ANKRD17: variants seen among roughly 807,000 people sequenced by gnomAD.
The protein encoded by ANKRD17 is ankyrin repeat domain 17, also known as ankyrin repeat domain-containing protein 17.
In ANKRD17, 19 loss-of-function variants were observed where a neutral mutation model predicts 229.7. The ratio of observed to expected loss-of-function variants is 0.08; its 90% CI spans 0.06 to 0.12. The LOEUF (loss-of-function observed/expected upper bound fraction) is 0.12. ANKRD17 is among the 10% of genes least tolerant of loss of function. The pLI is 1.00. For missense variants in ANKRD17, 2,176 were observed against 3,176.8 expected (o/e 0.68, Z 7.57); for synonymous variants, 1,112 against 1,146.1 (o/e 0.97, Z 0.60).
At chr4:73,135,535 C>A (rs1459302559) in intron 15 of ANKRD17, among the ~76,000 whole-genome samples, 2 of 151,908 alleles carry the variant, frequency 1.3e-5, no homozygotes. Context: ...TTCAAAATAA[C>A]CCTGAAAACA....
intron 25 of ANKRD17, chr4:73,101,033 C>T (rs1723916761): frequency 7.4e-6 from 7 of 941,698 alleles, no homozygotes; most frequent in Non-Finnish European, 8.9e-6. Context: ...ATAGCATTTG[C>T]GTTAGGTATT....
At chr4:73,097,434 C>CTA (rs1553912970) in intron 26 of ANKRD17, among the ~76,000 whole-genome samples, 162 bp from the exon 27 acceptor site, 29 of 132,040 alleles carry the variant, frequency 2.2e-4, no homozygotes, top group African/African-American at 6.5e-4. Flanking sequence ...TATAGAGAGC[C>CTA]TTTTTTTTTT....
Position 73,147,276 on chromosome 4 carries a change from C to T in ANKRD17, c.1724G>A (p.Gly575Asp). ...STPLMEAAQE[G>D]HLELVKYLLA... ...TAAGTATTTAACTAACTCCAAATGA[C>T]CCTCTTGAGCAGCTTCCATTAAAGG... The change falls in exon 9 of 34, where the codon GGT (glycine) becomes GAT (aspartate). Residue 575 changes from glycine (G) to aspartate (D), a missense_variant. Physicochemically the swap from Gly to Asp is moderately conservative, Grantham distance 94. This residue lies in a region of ANKRD17 where 275 missense variants were observed against 386.9 expected (regional missense o/e 0.71). Coordinates refer to ENST00000358602, the MANE Select transcript of ANKRD17 (RefSeq NM_032217.5). The T allele has an allele frequency of 6.3e-7, 1 of 1,581,236 alleles. No homozygotes were observed. The highest frequency in any genetic ancestry group is 8.6e-7 in the Non-Finnish European group (1 of 1,166,696).
chr4:73,240,515 C>A (rs942754199), intron 1 of ANKRD17, among the ~76,000 whole-genome samples: 1 of 151,352 alleles, frequency 6.6e-6, no homozygotes, highest in Non-Finnish European at 1.5e-5. Flanking sequence ...GTCCCAGATA[C>A]TTGGGAGGCT....
chr4:73,092,629 A>G (rs1722899353), intron 28 of ANKRD17, among the ~76,000 whole-genome samples: 2 of 152,236 alleles, frequency 1.3e-5, no homozygotes, highest in African/African-American at 4.8e-5. Flanking sequence ...CTACAGTTAG[A>G]AAAACCACTG....
At chr4:73,168,896 A>G (rs941270042) in intron 2 of ANKRD17, 1 of 152,190 alleles carries the variant, frequency 6.6e-6, no homozygotes, top group African/African-American at 2.4e-5. Flanking sequence ...GGTAATGAGC[A>G]TAGTATCTGA....
intron 1 of ANKRD17, among the ~76,000 whole-genome samples, chr4:73,243,567 G>A (rs1479338641): frequency 6.6e-6 from 1 of 152,138 alleles, no homozygotes; most frequent in Non-Finnish European, 1.5e-5. Flanking sequence ...CATGACCAAA[G>A]CTTGGCCCAC....
At chr4:73,172,414 TAA>T (rs917301888) in intron 2 of ANKRD17, among the ~76,000 whole-genome samples, 8 of 152,260 alleles carry the variant, frequency 5.3e-5, no homozygotes, top group African/African-American at 1.2e-4. Flanking sequence ...CAAGAAACAC[TAA>T]AGAGATTTCT....
chr4:73,076,262 A>C lies in ANKRD17; in HGVS notation c.7781T>G (p.Met2594Arg). The part of the protein sequence containing the change: ...TVWTGPWAPH[M>R]NSVHMNQLG ...AAGCTGGTTCATATGCACACTGTTC[A>C]TGTGAGGTGCCCAGGGTCCAGTCCA... The change falls in exon 34 of 34, where the codon ATG becomes AGG. Residue 2594 changes from methionine (M) to arginine (R), a missense_variant. Physicochemically the swap from Met to Arg is moderately conservative, Grantham distance 91. Transcript: ENST00000358602. 2 of 1,611,876 alleles carry C rather than the reference A, an allele frequency of 1.2e-6. No individual in the cohort carries two copies. The highest frequency in any genetic ancestry group is 1.7e-6 in the Non-Finnish European group (2 of 1,178,970).
chr4:73,144,189 C>T (rs1393213837), intron 11 of ANKRD17, among the ~76,000 whole-genome samples: 63 of 152,248 alleles, frequency 4.1e-4, no homozygotes, highest in Admixed American at 4.0e-3. Context: ...TAATAATATA[C>T]TCCCTTTTAT....
At chr4:73,165,155 A>G (rs1272479695) in intron 2 of ANKRD17, among the ~76,000 whole-genome samples, 2 of 152,158 alleles carry the variant, frequency 1.3e-5, no homozygotes, top group Non-Finnish European at 2.9e-5. Context: ...GAACAGAATA[A>G]ACTGAAACAC....
chr4:73,204,375 A>AAAAAAG (rs1553936064), intron 1 of ANKRD17, among the ~76,000 whole-genome samples: 61 of 150,132 alleles, frequency 4.1e-4, no homozygotes, highest in African/African-American at 1.2e-3. Flanking sequence ...AAAAAAAAAA[A>AAAAAAG]AAAAGAAAAG....
At chr4:73,169,012 T>C (rs1053024060) in intron 2 of ANKRD17, 1 of 152,242 alleles carries the variant, frequency 6.6e-6, no homozygotes, top group Non-Finnish European at 1.5e-5. Context: ...CTCCCACTTA[T>C]AAGTAATAAC....
chr4:73,093,909 C>A (rs1723037718), intron 28 of ANKRD17, among the ~76,000 whole-genome samples, 170 bp downstream of exon 28: 1 of 152,074 alleles, frequency 6.6e-6, no homozygotes, highest in African/African-American at 2.4e-5. Context: ...AAGTGTATTA[C>A]CTAGGAAAAA....
chr4:73,098,651 A>C (rs1723584219), intron 25 of ANKRD17, 131 bp from the exon 26 acceptor site: 3 of 924,320 alleles, frequency 3.2e-6, no homozygotes, highest in Non-Finnish European at 1.6e-6. Context: ...TTATTCTCAC[A>C]TTCATCGGTA....
chr4:73,084,498 G>C (rs1188893380), intron 30 of ANKRD17, among the ~76,000 whole-genome samples: 1 of 149,556 alleles, frequency 6.7e-6, no homozygotes, highest in Non-Finnish European at 1.5e-5. Context: ...GCCCAGGCTG[G>C]AGTGCAGTGG....
At chr4:73,203,776 A>G (rs1481623062) in intron 1 of ANKRD17, among the ~76,000 whole-genome samples, 5 of 151,156 alleles carry the variant, frequency 3.3e-5, no homozygotes, top group Non-Finnish European at 7.4e-5. Flanking sequence ...AAAAAAAAAA[A>G]AAAGAAAAAG....
intron 26 of ANKRD17, 92 bp from the exon 27 acceptor site, chr4:73,097,364 T>A: frequency 1.8e-6 from 2 of 1,116,310 alleles, no homozygotes; most frequent in Non-Finnish European, 2.5e-6. Context: ...TTTTAAAAAT[T>A]TATTTTTAAA....
At chr4:73,173,091 C>G (rs967350093) in intron 2 of ANKRD17, among the ~76,000 whole-genome samples, 1 of 152,030 alleles carries the variant, frequency 6.6e-6, no homozygotes, top group Admixed American at 6.6e-5. Flanking sequence ...AAGATGCACA[C>G]AGAGTGAAAA....
Sources: gnomAD v4.1 joint callset for allele counts (sites outside exome capture counted in the v4.1 genomes callset) on GRCh38, gnomAD v4.1.1 for gene constraint, gnomAD v4.1.1 regional missense constraint, MANE v1.5 for transcripts, NCBI Gene and HGNC (gene_info 2026-07-23, HGNC 2026-07-21) for gene names.